The following RASL10A variants were observed in gnomAD, a reference collection of about 807,000 sequenced individuals.
The protein encoded by RASL10A is RAS like family 10 member A, also known as ras-like protein family member 10A.
In RASL10A, 13 loss-of-function variants were observed where a neutral mutation model predicts 17.3. The ratio of observed to expected loss-of-function variants is 0.75; its 90% confidence interval spans 0.49 to 1.20. RASL10A has a LOEUF of 1.20. Ranked by LOEUF, RASL10A falls within the 50% of genes most tolerant of loss-of-function variation. The pLI, the probability that RASL10A is intolerant of heterozygous loss-of-function variation, is 0.00. For synonymous variants in RASL10A, 159 were observed against 142.2 expected (o/e 1.12, Z -0.84); for missense variants, 307 against 310.3 (o/e 0.99, Z 0.08).
chr22:29,314,547 G>A (rs1391288214), intron 1 of RASL10A, among the ~76,000 whole-genome samples: 1 of 152,138 alleles, frequency 6.6e-6, no homozygotes, highest in Non-Finnish European at 1.5e-5. Context: ...AGGGTCGGAG[G>A]TCTGTCCTTT....
chr22:29,317,897 G>A (rs2061460938), upstream of RASL10A, among the ~76,000 whole-genome samples: 1 of 152,080 alleles, frequency 6.6e-6, no homozygotes, highest in African/African-American at 2.4e-5. Flanking sequence ...TATTGGTCAG[G>A]CTGGTCTCGA....
chr22:29,316,753 T>G (rs1013254266), upstream of RASL10A: 1 of 152,120 alleles, frequency 6.6e-6, no homozygotes, highest in Non-Finnish European at 1.5e-5. Context: ...CTGCACTGAC[T>G]AAGGAGTTCA....
intron 1 of RASL10A, 84 bp downstream of exon 1, chr22:29,314,944 C>A: frequency 8.7e-7 from 1 of 1,145,108 alleles, no homozygotes; most frequent in Middle Eastern, 2.2e-4. Context: ...GCGCCCGAGG[C>A]CTCCACGCGG....
rs967632917 is a variant in RASL10A at position 29,313,633 on chromosome 22, T to C, written c.345-65A>G. ...GGCCGGAGAATTCCCCCAGTGGGTA[T>C]ACACACGCAGGCGCATTCCCTTCCT... On this transcript the variant is annotated intron_variant, in intron 2 of 2. Coordinates refer to ENST00000216101, the MANE Select transcript of RASL10A (RefSeq NM_006477.5). 2.6e-5 allele frequency: 38 copies of C among 1,462,572 alleles called. No homozygotes were observed. In the African/African-American group the frequency reaches 5.4e-4, roughly 21 times the overall value. The allele number at this position is 1,462,572 out of a possible 1,614,324, so 90.6% of individuals were successfully genotyped here.
chr22:29,314,936 G>T (rs1032079679), intron 1 of RASL10A, 92 bp downstream of exon 1: 1 of 1,066,782 alleles, frequency 9.4e-7, no homozygotes, highest in Non-Finnish European at 1.3e-6. Context: ...ACAGCCAGGC[G>T]CCCGAGGCCT....
intron 2 of RASL10A, 71 bp from the exon 3 acceptor site, chr22:29,313,639 C>CG: frequency 6.9e-7 from 1 of 1,452,022 alleles, no homozygotes; most frequent in East Asian, 2.4e-5. Context: ...GGTATACACA[C>CG]GCAGGCGCAT....
rs1046390681 is a variant in RASL10A at position 29,313,452 on chromosome 22, C to T, written c.461G>A (p.Cys154Tyr). The change falls in exon 3 of 3, where the codon TGC (cysteine) becomes TAC (tyrosine). Residue 154 changes from cysteine (C) to tyrosine (Y), a missense_variant. Physicochemically the swap from Cys to Tyr is radical, Grantham distance 194 (BLOSUM62 -2). Transcript: ENST00000216101. ...LAALVRRGWR[C>Y]GYLECSAKYN... ...CTTGGCGGAGCACTCGAGGTAGCCGCAGCGCCAGCCCCTGCGCACTAGGGC... is the reference window on the plus strand; with the variant it reads ...CTTGGCGGAGCACTCGAGGTAGCCGTAGCGCCAGCCCCTGCGCACTAGGGC... 1.2e-5 allele frequency: 19 copies of T among 1,542,510 alleles called. No individual in the cohort carries two copies. The African/African-American group carries it at 2.5e-4, about 20-fold the overall frequency.
At chr22:29,318,925 G>A (rs1438898713), upstream of RASL10A, among the ~76,000 whole-genome samples, 1 of 152,222 alleles carries the variant, frequency 6.6e-6, no homozygotes, top group East Asian at 1.9e-4. Context: ...GTGAAGACAG[G>A]AGCTCTGGGC....
At chr22:29,318,838 C>A (rs1045894368), upstream of RASL10A, among the ~76,000 whole-genome samples, 1 of 152,202 alleles carries the variant, frequency 6.6e-6, no homozygotes. Flanking sequence ...TGGCACTAGG[C>A]ACACAGTGGC....
chr22:29,312,997 T>C lies in RASL10A; in HGVS notation c.*304A>G, dbSNP rs1345567977. The C allele has an allele frequency of 2.6e-6, 1 of 389,548 alleles. No individual in the cohort carries two copies. The highest frequency in any genetic ancestry group is 4.5e-6 in the Non-Finnish European group (1 of 220,698). 24.1% of individuals were successfully genotyped at this position (389,548 alleles called of 1,614,324 possible). ...GCATAAAGAATATGTCCAGTGAAGC[T>C]CCAGGAGCAGGCTGCGTGTTTCCAG... On this transcript the variant is annotated 3_prime_UTR_variant, in exon 3 of 3. Coordinates refer to ENST00000216101, the MANE Select transcript of RASL10A (RefSeq NM_006477.5).
At position 29,315,355 on chromosome 22, in the gene RASL10A, C is replaced by G; in HGVS notation, c.-109G>C. On this transcript the variant is annotated 5_prime_UTR_variant, in exon 1 of 3. Coordinates refer to ENST00000216101, the MANE Select transcript of RASL10A (RefSeq NM_006477.5). The surrounding 1 kb of genome is among the most constrained non-coding windows in gnomAD (Gnocchi z 5.5). Reference sequence around the variant, plus strand: ...GCGCCCTGCCCGGTGCGCCACGGCCCCGTCGCGCTTCTCGTCGCCCCTCGG... The same window carrying G: ...GCGCCCTGCCCGGTGCGCCACGGCCGCGTCGCGCTTCTCGTCGCCCCTCGG... The G allele has an allele frequency of 1.5e-6, 1 of 683,334 alleles. No homozygotes were observed. The highest frequency in any genetic ancestry group is 2.0e-6 in the Non-Finnish European group (1 of 503,372). The allele number at this position is 683,334 out of a possible 1,614,324, so 42.3% of individuals were successfully genotyped here.
rs1315392258 is a variant in RASL10A, at chr22:29,315,017, C to G, written c.219+11G>C. On this transcript the variant is annotated intron_variant, in intron 1 of 2. Coordinates refer to ENST00000216101, the MANE Select transcript of RASL10A (RefSeq NM_006477.5). The surrounding 1 kb of genome is among the most constrained non-coding windows in gnomAD (Gnocchi z 5.5). Reference sequence around the variant, plus strand: ...CTGTCACACGCCCCTGCCCGCTCCTCGAGCCGCTACCTCCGGACCCCCGGG... The same window carrying G: ...CTGTCACACGCCCCTGCCCGCTCCTGGAGCCGCTACCTCCGGACCCCCGGG... 6.7e-7 allele frequency: 1 copy of G among 1,490,532 alleles called. No homozygotes were observed. Among genetic ancestry groups the G allele is most frequent in the Non-Finnish European group, 8.9e-7 (1 of 1,124,938 alleles). The allele number at this position is 1,490,532 out of a possible 1,614,324, so 92.3% of individuals were successfully genotyped here.
intron 2 of RASL10A, 56 bp from the exon 3 acceptor site, chr22:29,313,624 C>G (rs2061434427): frequency 6.8e-7 from 1 of 1,477,618 alleles, no homozygotes; most frequent in East Asian, 2.4e-5. Flanking sequence ...AGAATTCCCC[C>G]AGTGGGTATA....
intron 2 of RASL10A, 64 bp downstream of exon 2, chr22:29,313,799 C>A (rs2061436112): frequency 5.6e-6 from 9 of 1,597,562 alleles, no homozygotes; most frequent in Non-Finnish European, 7.7e-6. Context: ...TACACACTCT[C>A]CTCAGGCAAA....
At position 29,315,059 on chromosome 22, in the gene RASL10A, G is replaced by GCGACGT; in HGVS notation, c.182_187dup (p.Asp61_Val62dup). 6.6e-7 allele frequency: 1 copy of GCGACGT among 1,517,980 alleles called. No homozygotes were observed. The highest frequency in any genetic ancestry group is 1.2e-5 in the South Asian group (1 of 82,162). The allele number at this position is 1,517,980 out of a possible 1,614,324, so 94.0% of individuals were successfully genotyped here. A position where few individuals can be genotyped will look rare whatever the true frequency, so the allele number is the denominator to read the frequency against. On this transcript the variant is annotated inframe_insertion, in exon 1 of 3. Transcript: ENST00000216101. This position sits in a 1 kb window ranked among gnomAD's most constrained non-coding sequence, Gnocchi z 5.5. ...ACCCCCGGGGCTCGAGCCGGGGCCA[G>GCGACGT]CGACGTCGCCGTCGCGGATGCTCAA...
upstream of RASL10A, among the ~76,000 whole-genome samples, chr22:29,319,102 G>C (rs994930285): frequency 1.3e-5 from 2 of 151,952 alleles, no homozygotes; most frequent in South Asian, 2.1e-4. Flanking sequence ...TTGCCCACAG[G>C]CTCCTAACAC....
At chr22:29,313,708 A>C (rs2061435330) in intron 2 of RASL10A, 140 bp from the exon 3 acceptor site, 4 of 1,418,782 alleles carry the variant, frequency 2.8e-6, no homozygotes, top group East Asian at 4.8e-5. Flanking sequence ...CCCCAGGCCC[A>C]TGTGGGCCAA....
chr22:29,313,267 A>G lies in RASL10A; in HGVS notation c.*34T>C, dbSNP rs1359779550. On this transcript the variant is annotated 3_prime_UTR_variant, in exon 3 of 3. Transcript: ENST00000216101. ...CAGGTCCCTGATTGTCCCAGTCACAAGGTGGGGCCCATGGATGGCACTGTC... is the reference window on the plus strand; with the variant it reads ...CAGGTCCCTGATTGTCCCAGTCACAGGGTGGGGCCCATGGATGGCACTGTC... 41 of 1,453,538 alleles carry G rather than the reference A, an allele frequency of 2.8e-5. No individual in the cohort carries two copies. The highest frequency in any genetic ancestry group is 3.6e-5 in the Non-Finnish European group (40 of 1,099,578). The allele number at this position is 1,453,538 out of a possible 1,614,324, so 90.0% of individuals were successfully genotyped here. A position where few individuals can be genotyped will look rare whatever the true frequency, so the allele number is the denominator to read the frequency against.
At chr22:29,318,242 GCAGCAGTGCC>G (rs1330101524), upstream of RASL10A, among the ~76,000 whole-genome samples, 3 of 152,204 alleles carry the variant, frequency 2.0e-5, no homozygotes, top group Non-Finnish European at 4.4e-5. Flanking sequence ...AGCGTTCCTA[GCAGCAGTGCC>G]CATTTATCAA....
Sources: allele counts gnomAD v4.1 joint callset (sites outside exome capture counted in the v4.1 genomes callset), GRCh38; gene constraint gnomAD v4.1.1; non-coding constraint Gnocchi (gnomAD v3.1); transcripts MANE v1.5; gene names NCBI Gene and HGNC (gene_info 2026-07-23, HGNC 2026-07-21).